The following CAMTA1 variants were observed in gnomAD, a reference collection of about 807,000 sequenced individuals.
CAMTA1 encodes the protein calmodulin binding transcription activator 1, also known as calmodulin-binding transcription activator 1.
In CAMTA1, 27 loss-of-function variants were observed where a neutral mutation model predicts 170.9. The ratio of observed to expected loss-of-function variants is 0.16; its 90% CI spans 0.12 to 0.22. The LOEUF is 0.22. Among genes scored for constraint, CAMTA1 ranks in the 10% least tolerant of loss-of-function variants. The probability of loss-of-function intolerance (pLI) is 1.00; values close to 1 mark genes in which losing one functional copy is unlikely to be tolerated. For missense variants in CAMTA1, 1,619 were observed against 2,217.2 expected, an observed-to-expected ratio of 0.73 and a Z score of 5.42; for synonymous variants, 833 against 891.5, an observed-to-expected ratio of 0.93 and a Z score of 1.17.
chr1:7,516,809 G>A (rs1462439908), intron 6 of CAMTA1, among the ~76,000 whole-genome samples: 1 of 152,198 alleles, frequency 6.6e-6, no homozygotes, highest in Non-Finnish European at 1.5e-5. Flanking sequence ...TAGACAAATG[G>A]AAGGAAGCCC....
Position 7,063,246 on chromosome 1 carries a change from G to A in CAMTA1, c.235-28058G>A, listed in dbSNP as rs1708510899. Among the ~76,000 whole-genome samples the A allele has an allele frequency of 6.6e-6, 1 of 152,142 alleles. No homozygotes were observed. The highest frequency in any genetic ancestry group is 1.9e-4 in the East Asian group (1 of 5,186). ...CCACTTTCTTCACCCCCTAACATCA[G>A]GTCAAATCCGGCCTAGAATTCCTAG... On this transcript the variant is annotated intron_variant, in intron 3 of 22. Coordinates refer to ENST00000303635, the MANE Select transcript of CAMTA1 (RefSeq NM_015215.4). This position sits in a 1 kb window ranked among gnomAD's most constrained non-coding sequence, Gnocchi z 4.3.
chr1:7,098,505 G>A (rs1295266110), intron 4 of CAMTA1, among the ~76,000 whole-genome samples: 2 of 152,184 alleles, frequency 1.3e-5, no homozygotes, highest in South Asian at 2.1e-4. Flanking sequence ...TACCTGTCAC[G>A]TAGTTTTCAT....
chr1:7,001,389 A>G lies in CAMTA1; in HGVS notation c.235-89915A>G, dbSNP rs1572351195. 2.0e-5 allele frequency among the ~76,000 whole-genome samples: 3 copies of G among 152,332 alleles called. No homozygotes were observed. The South Asian group carries it at 6.2e-4, about 32-fold the overall frequency. On this transcript the variant is annotated intron_variant, in intron 3 of 22. Coordinates refer to ENST00000303635, the MANE Select transcript of CAMTA1 (RefSeq NM_015215.4). ...CTCCACCCTGCACTTGAATATTTTC[A>G]GAGCTGAGGAGCTCACCACTTTGCA...
chr1:7,029,463 T>C (rs1048160375), intron 3 of CAMTA1, among the ~76,000 whole-genome samples: 3 of 118,684 alleles, frequency 2.5e-5, no homozygotes, highest in African/African-American at 1.0e-4. Context: ...GATCAGTGCC[T>C]GGGTGACAGA....
intron 3 of CAMTA1, among the ~76,000 whole-genome samples, chr1:6,979,422 A>G (rs928384476): frequency 6.6e-6 from 1 of 152,180 alleles, no homozygotes; most frequent in Non-Finnish European, 1.5e-5. Flanking sequence ...ATCCATTTAA[A>G]CCGTGTGCAT....
At chr1:6,980,203 A>T (rs1012592146) in intron 3 of CAMTA1, among the ~76,000 whole-genome samples, 1 of 152,122 alleles carries the variant, frequency 6.6e-6, no homozygotes, top group Admixed American at 6.5e-5. Flanking sequence ...GGGGCCTACA[A>T]GTCGGGGTGG....
chr1:7,060,443 C>T (rs1282249474), intron 3 of CAMTA1, among the ~76,000 whole-genome samples: 3 of 152,238 alleles, frequency 2.0e-5, no homozygotes, highest in Non-Finnish European at 2.9e-5. Context: ...AACTTAGTCA[C>T]CTCTTTAAAG....
Position 7,680,880 on chromosome 1 carries a change from C to G in CAMTA1, c.2914+3147C>G, listed in dbSNP as rs2096195604. On this transcript the variant is annotated intron_variant, in intron 11 of 22. Transcript: ENST00000303635. The surrounding 1 kb of genome is among the most constrained non-coding windows in gnomAD (Gnocchi z 4.4). ...CGCGCGCCAGCAGCAGCAGCAGCAG[C>G]AGCTGCTGCGGCGAAGTCTTTGTCC... Among the ~76,000 whole-genome samples the G allele has an allele frequency of 6.6e-6, 1 of 150,756 alleles. No individual in the cohort carries two copies. Among genetic ancestry groups the G allele is most frequent in the African/African-American group, 2.4e-5 (1 of 40,932 alleles).
chr1:7,189,372 A>G (rs1654087036), intron 4 of CAMTA1, among the ~76,000 whole-genome samples: 1 of 152,228 alleles, frequency 6.6e-6, no homozygotes, highest in South Asian at 2.1e-4. Context: ...GCCATACAAG[A>G]GCACATTAAA....
chr1:7,282,354 C>T (rs955857430), intron 5 of CAMTA1, among the ~76,000 whole-genome samples: 15 of 152,216 alleles, frequency 9.9e-5, no homozygotes, highest in African/African-American at 3.6e-4. Flanking sequence ...CCTTCTCTCT[C>T]CTCCAAAAGT....
intron 22 of CAMTA1, among the ~76,000 whole-genome samples, chr1:7,765,050 C>A (rs1292510387): frequency 6.6e-6 from 1 of 152,092 alleles, no homozygotes; most frequent in Non-Finnish European, 1.5e-5. Flanking sequence ...GAGATTATAG[C>A]CCTCTGTATA....
At chr1:7,655,754 T>G (rs1360610063) in intron 7 of CAMTA1, among the ~76,000 whole-genome samples, 1 of 152,008 alleles carries the variant, frequency 6.6e-6, no homozygotes, top group Non-Finnish European at 1.5e-5. Context: ...TACACACACC[T>G]ATATGTACAA....
intron 11 of CAMTA1, among the ~76,000 whole-genome samples, chr1:7,721,302 G>A (rs1254119094): frequency 1.4e-4 from 22 of 152,180 alleles, no homozygotes; most frequent in Admixed American, 1.3e-3. Context: ...CTTACAAGTG[G>A]TATGCTCTTG....
At chr1:7,385,391 T>A (rs2087834417) in intron 5 of CAMTA1, among the ~76,000 whole-genome samples, 1 of 152,226 alleles carries the variant, frequency 6.6e-6, no homozygotes, top group South Asian at 2.1e-4. Context: ...CTTAGACATT[T>A]GCTTTTGGCG....
At position 6,820,209 on chromosome 1, in the gene CAMTA1, C is replaced by T; in HGVS notation, c.74C>T (p.Thr25Ile). 6.2e-7 allele frequency: 1 copy of T among 1,611,498 alleles called. No homozygotes were observed. Among genetic ancestry groups the T allele is most frequent in the South Asian group, 1.1e-5 (1 of 91,000 alleles). ...GTTTCCCAAAGTGTATTCTGCGGAA[C>T]TAGCACCTACTGTGTTCTCAACACC... The part of the protein sequence containing the change: ...KSVSQSVFCG[T>I]STYCVLNTVP... The change falls in exon 2 of 23, where the codon ACT becomes ATT. Residue 25 changes from threonine (T) to isoleucine (I), a missense_variant. Thr to Ile is a moderately conservative substitution (Grantham distance 89, BLOSUM62 -1). Around this residue, in one of 8 missense-constraint regions of CAMTA1, gnomAD observed 61 missense variants for 57.7 expected, o/e 1.06. Transcript: ENST00000303635.
chr1:7,220,375 G>T (rs536515335), intron 4 of CAMTA1, among the ~76,000 whole-genome samples: 1 of 152,194 alleles, frequency 6.6e-6, no homozygotes, highest in South Asian at 2.1e-4. Context: ...GGCCAGGCAC[G>T]CTGGGAAATT....
At chr1:7,104,181 C>A (rs1046190082) in intron 4 of CAMTA1, among the ~76,000 whole-genome samples, 3 of 151,182 alleles carry the variant, frequency 2.0e-5, no homozygotes, top group Admixed American at 2.0e-4. Flanking sequence ...CACATATACA[C>A]ACAACACACA....
intron 4 of CAMTA1, among the ~76,000 whole-genome samples, chr1:7,232,295 C>CT (rs1215749466): frequency 7.3e-3 from 6 of 824 alleles, no homozygotes; most frequent in South Asian, 0.25. Context: ...CACGGCTGCC[C>CT]CGGCTTCTCA....
At position 7,665,529 on chromosome 1, in the gene CAMTA1, C is replaced by T. The variant is rs923093347; in HGVS notation, c.2652+330C>T. On this transcript the variant is annotated intron_variant, in intron 9 of 22. Transcript: ENST00000303635. This position sits in a 1 kb window ranked among gnomAD's most constrained non-coding sequence, Gnocchi z 4.3. ...AGGAGTTCCAAACCAACCTGGGCAACGTAGTGAGAACTGGTTTCAACAAAA... is the reference window on the plus strand; with the variant it reads ...AGGAGTTCCAAACCAACCTGGGCAATGTAGTGAGAACTGGTTTCAACAAAA... 4.6e-5 allele frequency among the ~76,000 whole-genome samples: 7 copies of T among 151,962 alleles called. No homozygotes were observed. The highest frequency in any genetic ancestry group is 1.5e-4 in the African/African-American group (6 of 41,360).
Sources: allele counts gnomAD v4.1 joint callset (sites outside exome capture counted in the v4.1 genomes callset), GRCh38; gene constraint gnomAD v4.1.1; regional missense constraint gnomAD v4.1.1; non-coding constraint Gnocchi (gnomAD v3.1); transcripts MANE v1.5; gene names NCBI Gene and HGNC (gene_info 2026-07-23, HGNC 2026-07-21).